The following RNF17 variants were observed in gnomAD, a reference collection of about 807,000 sequenced individuals.
The protein encoded by RNF17 is ring finger protein 17, also known as spermatogenesis associated 23.
RNF17 carries 31 observed loss-of-function variants against 200.5 expected under a neutral mutation model. The ratio of observed to expected loss-of-function variants is 0.15; its 90% CI spans 0.12 to 0.21. The LOEUF is 0.21. RNF17 is among the 10% of genes least tolerant of loss of function. The pLI, the probability that RNF17 is intolerant of heterozygous loss-of-function variation, is 1.00. For missense variants in RNF17, 1,628 were observed against 1,905.1 expected, an observed-to-expected ratio of 0.85 and a Z score of 2.71; for synonymous variants, 606 against 637.8, an observed-to-expected ratio of 0.95 and a Z score of 0.75.
At chr13:24,835,828 G>A (rs1400277899) in intron 18 of RNF17, among the ~76,000 whole-genome samples, 1 of 152,078 alleles carries the variant, frequency 6.6e-6, no homozygotes, top group Admixed American at 6.6e-5. Context: ...AAGTAGTCCT[G>A]GATTTACCTG....
chr13:24,759,072 G>C, the RNF17 span, among the ~76,000 whole-genome samples: 65,099 of 128,936 alleles, frequency 0.5, 16,125 homozygotes, highest in Admixed American at 0.62. Flanking sequence ...GAGCAAGACT[G>C]TGTCTCCAAA....
chr13:24,858,225 G>A (rs916179634), intron 25 of RNF17, among the ~76,000 whole-genome samples: 12 of 151,932 alleles, frequency 7.9e-5, no homozygotes, highest in African/African-American at 2.7e-4. Flanking sequence ...CAATAAAATC[G>A]GTACAATTGG....
chr13:24,754,585 A>G, the RNF17 span, among the ~76,000 whole-genome samples: 819 of 152,272 alleles, frequency 5.4e-3, 9 homozygotes, highest in African/African-American at 0.019. Flanking sequence ...CCTACCCACG[A>G]ATGTATTATT....
rs1326706592 is a variant in RNF17 at position 24,853,967 on chromosome 13, A to G, written c.3433A>G (p.Lys1145Glu). 3 of 1,614,182 alleles carry G rather than the reference A, an allele frequency of 1.9e-6. No individual in the cohort carries two copies. Among genetic ancestry groups the G allele is most frequent in the East Asian group, 2.2e-5 (1 of 44,866 alleles). Reference protein sequence around the residue: ...NCIKTNFDPDKKTADIISEQK... With the variant: ...NCIKTNFDPDEKTADIISEQK... ...TATTAAAACTAACTTTGACCCTGACAAGAAAACTGCTGACATAATCAGTGA... is the reference window on the plus strand; with the variant it reads ...TATTAAAACTAACTTTGACCCTGACGAGAAAACTGCTGACATAATCAGTGA... Residue 1145 changes from lysine (K) to glutamate (E), a missense_variant, in exon 25 of 36, where the codon AAG (lysine) becomes GAG (glutamate). Physicochemically the swap from Lys to Glu is moderately conservative, Grantham distance 56. This residue lies in a region of RNF17 where 609 missense variants were observed against 681.9 expected (regional missense o/e 0.89). Transcript: ENST00000255324.
Position 24,847,681 on chromosome 13 carries a change from T to A in RNF17, c.3101+2602T>A, listed in dbSNP as rs556100359. 2.6e-4 allele frequency among the ~76,000 whole-genome samples: 39 copies of A among 152,196 alleles called. No individual in the cohort carries two copies. The East Asian group carries it at 6.8e-3, about 26-fold the overall frequency. On this transcript the variant is annotated intron_variant, in intron 22 of 35. Transcript: ENST00000255324. ...ATTATAATAGGATAGCTTCTTTTTTTAAAATTTGTTTTATTCCCTAAAGAT... is the reference window on the plus strand; with the variant it reads ...ATTATAATAGGATAGCTTCTTTTTTAAAAATTTGTTTTATTCCCTAAAGAT...
At chr13:24,801,203 T>C (rs1462094206) in intron 13 of RNF17, among the ~76,000 whole-genome samples, 1 of 152,240 alleles carries the variant, frequency 6.6e-6, no homozygotes, top group Non-Finnish European at 1.5e-5. Context: ...TTTTTTAACT[T>C]TTCACATTTT....
At chr13:24,782,605 TG>T (rs35537767) in intron 6 of RNF17, among the ~76,000 whole-genome samples, 30,069 of 149,732 alleles carry the variant, frequency 0.2, 3,317 homozygotes, top group South Asian at 0.33. Context: ...GAGGCTGAGA[TG>T]GGGGGGGGAT....
chr13:24,758,098 A>G, the RNF17 span, among the ~76,000 whole-genome samples: 1 of 152,160 alleles, frequency 6.6e-6, no homozygotes, highest in African/African-American at 2.4e-5. Flanking sequence ...AGAATCCACT[A>G]TGCTTTCTGT....
At chr13:24,881,034 T>G (rs1426700083), downstream of RNF17, among the ~76,000 whole-genome samples, 2 of 152,200 alleles carry the variant, frequency 1.3e-5, no homozygotes, top group Non-Finnish European at 2.9e-5. Flanking sequence ...TTCTTACTGA[T>G]TTGTAGAAAC....
In RNF17 at chr13:24,844,986, A is replaced by G; in HGVS notation, c.3008A>G (p.Glu1003Gly). The stretch of plus-strand genomic sequence containing the variant: ...GTCTTGCTGTATGATGTGGGTGTTG[A>G]ACTAGTAGTGAATGTTGACTGTTTA... Reference protein sequence around the residue: ...VEVLLYDVGVELVVNVDCLRK... With the variant: ...VEVLLYDVGVGLVVNVDCLRK... Residue 1003 changes from glutamate (E) to glycine (G), a missense_variant, in exon 22 of 36, where the codon GAA becomes GGA. Glu to Gly is a moderately conservative substitution (Grantham distance 98). Around this residue, in one of 5 missense-constraint regions of RNF17, gnomAD observed 227 missense variants for 319.8 expected, o/e 0.71. Coordinates refer to ENST00000255324, the MANE Select transcript of RNF17 (RefSeq NM_031277.3). The G allele has an allele frequency of 6.2e-7, 1 of 1,605,196 alleles. No individual in the cohort carries two copies. The highest frequency in any genetic ancestry group is 8.5e-7 in the Non-Finnish European group (1 of 1,172,054).
At chr13:24,799,809 G>A (rs1465063011) in intron 12 of RNF17, among the ~76,000 whole-genome samples, 1 of 151,988 alleles carries the variant, frequency 6.6e-6, no homozygotes, top group African/African-American at 2.4e-5. Flanking sequence ...CCAAACTTAA[G>A]TACTCTTCTT....
intron 8 of RNF17, 32 bp downstream of exon 8, chr13:24,789,456 A>G: frequency 7.2e-7 from 1 of 1,398,096 alleles, no homozygotes; most frequent in South Asian, 1.2e-5. Flanking sequence ...AGACCATAAC[A>G]AGTATAAAGA....
intron 2 of RNF17, among the ~76,000 whole-genome samples, chr13:24,770,815 ATTTC>A (rs1158510261): frequency 1.3e-4 from 19 of 151,984 alleles, no homozygotes; most frequent in African/African-American, 4.6e-4. Flanking sequence ...TTCTTAACTA[ATTTC>A]TTTATTGATA....
chr13:24,807,530 A>G (rs1185038849), intron 15 of RNF17, among the ~76,000 whole-genome samples: 10 of 152,132 alleles, frequency 6.6e-5, no homozygotes, highest in Non-Finnish European at 2.9e-5. Context: ...AGTTCATTGT[A>G]GTTTTTGGAT....
rs1056865340 is a variant in RNF17, at chr13:24,874,340, A to G, written c.4583+91A>G. 14 of 1,097,566 alleles carry G rather than the reference A, an allele frequency of 1.3e-5. No individual in the cohort carries two copies. The African/African-American group carries it at 2.3e-4, about 18-fold the overall frequency. 68.0% of individuals were successfully genotyped at this position (1,097,566 alleles called of 1,614,324 possible). A position where few individuals can be genotyped will look rare whatever the true frequency, so the allele number is the denominator to read the frequency against. On this transcript the variant is annotated intron_variant, in intron 33 of 35. Transcript: ENST00000255324. ...ATATTTTTGCCTCTTTTAAAAGAAA[A>G]GGGTTATTCTAAGGCTGTTTATAAA...
At chr13:24,862,943 C>G (rs1416649342) in intron 28 of RNF17, 150 bp downstream of exon 28, 1 of 455,926 alleles carries the variant, frequency 2.2e-6, no homozygotes, top group African/African-American at 2.0e-5. Context: ...CAGTTTGGTT[C>G]CTGCGCCTGC....
intron 18 of RNF17, among the ~76,000 whole-genome samples, chr13:24,836,921 A>C (rs1427402619): frequency 6.6e-6 from 1 of 152,188 alleles, no homozygotes; most frequent in Admixed American, 6.5e-5. Context: ...CACTTAAAAG[A>C]TACAGAACCT....
chr13:24,842,295 G>A, intron 19 of RNF17, 134 bp downstream of exon 19: 1 of 667,136 alleles, frequency 1.5e-6, no homozygotes, highest in Non-Finnish European at 2.3e-6. Context: ...TCCCTGTCCT[G>A]GACCAGAAAA....
intron 9 of RNF17, among the ~76,000 whole-genome samples, chr13:24,792,413 G>A (rs1883980998): frequency 6.6e-6 from 1 of 151,492 alleles, no homozygotes; most frequent in Non-Finnish European, 1.5e-5. Flanking sequence ...AGGGTAATCT[G>A]TAAAAAAAAA....
Sources: gnomAD v4.1 joint callset for allele counts (sites outside exome capture counted in the v4.1 genomes callset) on GRCh38, gnomAD v4.1.1 for gene constraint, gnomAD v4.1.1 regional missense constraint, MANE v1.5 for transcripts, NCBI Gene and HGNC (gene_info 2026-07-23, HGNC 2026-07-21) for gene names.